Variants in DYNC2H1 observed in about 807,000 individuals in gnomAD.
DYNC2H1 encodes the protein dynein cytoplasmic 2 heavy chain 1.
In DYNC2H1, 410 loss-of-function variants were observed where a neutral mutation model predicts 570.0. The observed-to-expected ratio is 0.72, with a 90% confidence interval of 0.66 to 0.78. The LOEUF is 0.78. DYNC2H1 is among the 30% of genes least tolerant of loss of function. The pLI, the probability that DYNC2H1 is intolerant of heterozygous loss-of-function variation, is 0.00. For synonymous variants in DYNC2H1, 1,688 were observed against 1,677.6 expected, an observed-to-expected ratio of 1.01 and a Z score of -0.15; for missense variants, 4,865 against 5,046.4, an observed-to-expected ratio of 0.96 and a Z score of 1.09.
At chr11:103,308,805 T>C (rs953161751) in intron 78 of DYNC2H1, among the ~76,000 whole-genome samples, 7 of 152,204 alleles carry the variant, frequency 4.6e-5, no homozygotes, top group Non-Finnish European at 4.4e-5. Context: ...GAAATGTCTT[T>C]TCAAATTCTT....
rs1023378024 is a variant in DYNC2H1, at chr11:103,152,174, A to G, written c.2985A>G (p.Arg995=). The G allele has an allele frequency of 5.0e-6, 8 of 1,608,990 alleles. No homozygotes were observed. The highest frequency in any genetic ancestry group is 2.7e-5 in the African/African-American group (2 of 74,636). The change falls in exon 21 of 89, where the codon AGA becomes AGG. Residue 995 remains arginine (R), a synonymous_variant. Transcript: ENST00000375735. ...TTCAAGAAGCTGAAGACAAAAACAG[A>G]CTTTTACGAACTGTGGCTGGTGGAG... ...PLFQEAEDKN[R]LLRTVAGGGL...
rs775206279 is a variant in DYNC2H1, at chr11:103,153,300, T to C, written c.3097-3T>C. Reference sequence around the variant, plus strand: ...AAATTATTTAAATTTTATTGGCTTATAGATTGAAGTGATGAAAGGAAATGT... The same window carrying C: ...AAATTATTTAAATTTTATTGGCTTACAGATTGAAGTGATGAAAGGAAATGT... On this transcript the variant is annotated splice_polypyrimidine_tract_variant and splice_region_variant and intron_variant, in intron 21 of 88. Coordinates refer to ENST00000375735, the MANE Select transcript of DYNC2H1 (RefSeq NM_001377.3). 1.4e-5 allele frequency: 21 copies of C among 1,529,842 alleles called. No homozygotes were observed. Among genetic ancestry groups the C allele is most frequent in the Admixed American group, 2.2e-5 (1 of 45,008 alleles). The allele number at this position is 1,529,842 out of a possible 1,614,324, so 94.8% of individuals were successfully genotyped here. A position where few individuals can be genotyped will look rare whatever the true frequency, so the allele number is the denominator to read the frequency against.
chr11:103,372,734 A>G (rs1941224242), intron 83 of DYNC2H1, among the ~76,000 whole-genome samples: 2 of 152,050 alleles, frequency 1.3e-5, no homozygotes, highest in Non-Finnish European at 2.9e-5. Context: ...CTGGTTTTGG[A>G]ATCACAATCA....
In DYNC2H1 at chr11:103,324,012, C is replaced by T; in HGVS notation, c.12039+22C>T. On this transcript the variant is annotated intron_variant, in intron 82 of 88. Transcript: ENST00000375735. This position sits in a 1 kb window ranked among gnomAD's most constrained non-coding sequence, Gnocchi z 5.2. ...TCAGGTAACCTAAAAAAAAGATCTA[C>T]CTTCAAAAAAAGTTGCTAGTGAGCC... 1 of 1,564,644 alleles carries T rather than the reference C, an allele frequency of 6.4e-7. No homozygotes were observed. The highest frequency in any genetic ancestry group is 8.6e-7 in the Non-Finnish European group (1 of 1,157,614).
intron 75 of DYNC2H1, among the ~76,000 whole-genome samples, chr11:103,302,143 G>T (rs1867073781): frequency 6.6e-6 from 1 of 151,912 alleles, no homozygotes; most frequent in Non-Finnish European, 1.5e-5. Context: ...GTTTGTGAAG[G>T]GCTACAGAGC....
intron 47 of DYNC2H1, 140 bp downstream of exon 47, chr11:103,192,404 T>C: frequency 1.8e-6 from 1 of 568,606 alleles, no homozygotes; most frequent in Non-Finnish European, 2.7e-6. Context: ...AAGGTACAGC[T>C]CAGTCTTTTT....
Position 103,316,593 on chromosome 11 carries a change from TACA to T in DYNC2H1, c.11702_11704del (p.Asn3901del), listed in dbSNP as rs1937858639. The T allele has an allele frequency of 2.6e-6, 4 of 1,553,654 alleles. No homozygotes were observed. The highest frequency in any genetic ancestry group is 3.9e-5 in the Admixed American group (2 of 51,856). On this transcript the variant is annotated inframe_deletion, in exon 80 of 89. Coordinates refer to ENST00000375735, the MANE Select transcript of DYNC2H1 (RefSeq NM_001377.3). ...TTCTTTATCAGATCTTCGGGCTGGGTACAACATTATTGACAGACTTTTTGATGG... is the reference window on the plus strand; with the variant it reads ...TTCTTTATCAGATCTTCGGGCTGGGTACATTATTGACAGACTTTTTGATGG...
At chr11:103,381,773 G>A (rs896642555) in intron 83 of DYNC2H1, among the ~76,000 whole-genome samples, 17 of 152,198 alleles carry the variant, frequency 1.1e-4, no homozygotes, top group African/African-American at 3.9e-4. Context: ...GCTAATGCTT[G>A]AAGATTAAGA....
chr11:103,208,348 A>T (rs1164744694), intron 52 of DYNC2H1, among the ~76,000 whole-genome samples: 3 of 152,176 alleles, frequency 2.0e-5, no homozygotes, highest in African/African-American at 7.2e-5. Flanking sequence ...AGATGCCTGC[A>T]CCATGGAGGG....
chr11:103,152,401 A>G, intron 21 of DYNC2H1, 116 bp downstream of exon 21: 1 of 955,508 alleles, frequency 1.0e-6, no homozygotes, highest in Non-Finnish European at 1.5e-6. Context: ...GGCTGTTGAA[A>G]TTGACCTCCC....
intron 82 of DYNC2H1, among the ~76,000 whole-genome samples, chr11:103,340,436 A>G (rs1264385885): frequency 6.6e-6 from 1 of 152,190 alleles, no homozygotes; most frequent in Non-Finnish European, 1.5e-5. Flanking sequence ...TCATCTGCCT[A>G]TGAAGCCTTA....
At chr11:103,143,441 A>G in intron 18 of DYNC2H1, 46 bp downstream of exon 18, 1 of 1,529,990 alleles carries the variant, frequency 6.5e-7, no homozygotes, top group Non-Finnish European at 8.8e-7. Context: ...TAATTTTTTG[A>G]CATGGACAGT....
Position 103,257,643 on chromosome 11 carries a change from C to T in DYNC2H1, c.10497C>T (p.Ala3499=), listed in dbSNP as rs562178612. Residue 3499 remains alanine (A), a synonymous_variant, in exon 69 of 89, where the codon GCC becomes GCT. Coordinates refer to ENST00000375735, the MANE Select transcript of DYNC2H1 (RefSeq NM_001377.3). The part of the protein sequence containing the change: ...RDAYLPLAES[A]SKMYFIISDL... Reference sequence around the variant, plus strand: ...CCTATCTCCCCCTGGCTGAGAGTGCCAGCAAGATGTACTTCATTATTTCTG... The same window carrying T: ...CCTATCTCCCCCTGGCTGAGAGTGCTAGCAAGATGTACTTCATTATTTCTG... 4.0e-5 allele frequency: 64 copies of T among 1,612,812 alleles called. No homozygotes were observed. The highest frequency in any genetic ancestry group is 5.2e-5 in the Non-Finnish European group (61 of 1,179,168).
chr11:103,203,618 A>T lies in DYNC2H1; in HGVS notation c.8198-45A>T. ...TTTTAAATACAAAAATTGAAAAAGC[A>T]TCATTTATTAAAATGTTTTCAATTA... On this transcript the variant is annotated intron_variant, in intron 50 of 88. Transcript: ENST00000375735. This position sits in a 1 kb window ranked among gnomAD's most constrained non-coding sequence, Gnocchi z 4.7. 1 of 1,255,136 alleles carries T rather than the reference A, an allele frequency of 8.0e-7. No individual in the cohort carries two copies. Among genetic ancestry groups the T allele is most frequent in the Non-Finnish European group, 1.1e-6 (1 of 904,114 alleles). The allele number at this position is 1,255,136 out of a possible 1,614,324, so 77.7% of individuals were successfully genotyped here.
chr11:103,348,266 T>G (rs1416378777), intron 82 of DYNC2H1, among the ~76,000 whole-genome samples: 1 of 152,136 alleles, frequency 6.6e-6, no homozygotes, highest in East Asian at 1.9e-4. Flanking sequence ...AACATTGTTT[T>G]AGTAATTATC....
intron 79 of DYNC2H1, among the ~76,000 whole-genome samples, chr11:103,313,815 G>A (rs1019876753): frequency 8.5e-5 from 13 of 152,116 alleles, no homozygotes; most frequent in Non-Finnish European, 1.9e-4. Context: ...AACAATAATA[G>A]CATTGTGTTG....
In DYNC2H1 at chr11:103,196,858, G is replaced by A. The variant is rs7946081; in HGVS notation, c.7709-1075G>A. 5.1e-3 allele frequency among the ~76,000 whole-genome samples: 771 copies of A among 152,196 alleles called. 4 individuals carry two copies. The highest frequency in any genetic ancestry group is 0.018 in the African/African-American group (728 of 41,534). Reference sequence around the variant, plus strand: ...CAAATAAGTTTTAGTATAGTAGCCTGTACAGATAGAAAATAATGTAAAAAA... The same window carrying A: ...CAAATAAGTTTTAGTATAGTAGCCTATACAGATAGAAAATAATGTAAAAAA... On this transcript the variant is annotated intron_variant, in intron 47 of 88. Transcript: ENST00000375735.
chr11:103,313,974 T>TC (rs1427723288), intron 79 of DYNC2H1, among the ~76,000 whole-genome samples: 1 of 152,148 alleles, frequency 6.6e-6, no homozygotes, highest in Non-Finnish European at 1.5e-5. Flanking sequence ...CTGACCTCTG[T>TC]CCTTAGCCTA....
At chr11:103,389,293 G>C (rs1310736828) in intron 83 of DYNC2H1, among the ~76,000 whole-genome samples, 1 of 152,176 alleles carries the variant, frequency 6.6e-6, no homozygotes, top group African/African-American at 2.4e-5. Flanking sequence ...TTGTGTAGAG[G>C]TGTTTATAGT....
Sources: allele counts gnomAD v4.1 joint callset (sites outside exome capture counted in the v4.1 genomes callset), GRCh38; gene constraint gnomAD v4.1.1; non-coding constraint Gnocchi (gnomAD v3.1); transcripts MANE v1.5; gene names NCBI Gene and HGNC (gene_info 2026-07-23, HGNC 2026-07-21).